The following NUP107 variants were observed in gnomAD, a reference collection of about 807,000 sequenced individuals.
NUP107 encodes the protein nuclear pore complex protein Nup107.
In NUP107, 101 loss-of-function variants were observed where a neutral mutation model predicts 141.0. The observed-to-expected ratio is 0.72, with a 90% confidence interval of 0.61 to 0.84. The LOEUF (loss-of-function observed/expected upper bound fraction) is 0.84. Among genes scored for constraint, NUP107 ranks in the 40% least tolerant of loss-of-function variants. The pLI, the probability that NUP107 is intolerant of heterozygous loss-of-function variation, is 0.00. For missense variants in NUP107, 941 were observed against 1,102.7 expected (o/e 0.85, Z 2.08); for synonymous variants, 319 against 363.9 (o/e 0.88, Z 1.41).
Position 68,722,770 on chromosome 12 carries a change from A to G in NUP107, c.1506+618A>G, listed in dbSNP as rs540820892. ...TTAATGATAATCTCCAAGTTAGTTT[A>G]TTCATTTTCACTTAACCTTATTCTT... is the stretch of plus-strand genomic sequence containing the variant. On this transcript the variant is annotated intron_variant, in intron 17 of 27. Transcript: ENST00000229179. Among the ~76,000 whole-genome samples, 6 of 152,212 alleles carry G rather than the reference A, an allele frequency of 3.9e-5. No homozygotes were observed. In the South Asian group the frequency reaches 6.2e-4, roughly 16 times the overall value.
chr12:68,688,942 G>C lies in NUP107; in HGVS notation c.9-20G>C. 1 of 1,569,290 alleles carries C rather than the reference G, an allele frequency of 6.4e-7. No homozygotes were observed. Among genetic ancestry groups the C allele is most frequent in the Non-Finnish European group, 8.7e-7 (1 of 1,145,392 alleles). The stretch of plus-strand genomic sequence containing the variant: ...CTATATTCTCGTTTCACTTATATAA[G>C]CTTGATTATACTACTTTAGGAGTGG... On this transcript the variant is annotated intron_variant, in intron 1 of 27. Coordinates refer to ENST00000229179, the MANE Select transcript of NUP107 (RefSeq NM_020401.4).
chr12:68,741,568 C>A (rs1191612455), intron 26 of NUP107, among the ~76,000 whole-genome samples: 1 of 152,074 alleles, frequency 6.6e-6, no homozygotes, highest in Admixed American at 6.6e-5. Flanking sequence ...TATTCAGTTT[C>A]CAACTCATTC....
chr12:68,721,046 C>G, intron 14 of NUP107, 72 bp from the exon 15 acceptor site: 1 of 1,018,514 alleles, frequency 9.8e-7, no homozygotes, highest in Non-Finnish European at 1.5e-6. Context: ...TTGCAAGACT[C>G]CACATTATGA....
chr12:68,734,808 A>G lies in NUP107; in HGVS notation c.2363A>G (p.His788Arg), dbSNP rs773117594. ...PQPTFTEKVAHEHKEKKYEMD... is the reference protein window; with the variant it reads ...PQPTFTEKVAREHKEKKYEMD... ...CCAACTTTTACTGAGAAAGTGGCTC[A>G]TGAACACAAAGAAAAGAAATATGAA... The change falls in exon 25 of 28, where the codon CAT becomes CGT. Residue 788 changes from histidine to arginine, a missense_variant. By Grantham distance (29) the His-to-Arg change is conservative. Coordinates refer to ENST00000229179, the MANE Select transcript of NUP107 (RefSeq NM_020401.4). 1.1e-5 allele frequency: 18 copies of G among 1,612,752 alleles called. No homozygotes were observed. Among genetic ancestry groups the G allele is most frequent in the Non-Finnish European group, 1.4e-5 (17 of 1,179,672 alleles).
intron 8 of NUP107, chr12:68,706,256 G>A: frequency 1.3e-6 from 1 of 776,188 alleles, no homozygotes; most frequent in South Asian, 1.4e-5. Context: ...CAAGAACAAG[G>A]TAGAGCTGGA....
chr12:68,717,043 A>G (rs576484701), intron 12 of NUP107, among the ~76,000 whole-genome samples: 3 of 152,104 alleles, frequency 2.0e-5, no homozygotes, highest in South Asian at 2.1e-4. Context: ...GAATACAGGC[A>G]CACGCCTCCA....
intron 17 of NUP107, among the ~76,000 whole-genome samples, chr12:68,723,759 C>A (rs1336177852): frequency 6.6e-6 from 1 of 152,158 alleles, no homozygotes; most frequent in Admixed American, 6.6e-5. Context: ...GAAATAGGAA[C>A]TTGCTGTTCT....
At chr12:68,706,382 AAC>A in intron 8 of NUP107, 1 of 1,307,320 alleles carries the variant, frequency 7.6e-7, no homozygotes, top group Non-Finnish European at 1.1e-6. Flanking sequence ...GTCCATTGAC[AAC>A]AGTCGCTCCC....
In NUP107 at chr12:68,727,659, A is replaced by C. The variant is rs191163493; in HGVS notation, c.1734+270A>C. On this transcript the variant is annotated intron_variant, in intron 20 of 27. Transcript: ENST00000229179. Reference sequence around the variant, plus strand: ...GCTGACCAGAAATCATACCAATAACATAAACACACAATTAACACATTTTGT... The same window carrying C: ...GCTGACCAGAAATCATACCAATAACCTAAACACACAATTAACACATTTTGT... Among the ~76,000 whole-genome samples the C allele has an allele frequency of 1.1e-3, 172 of 152,292 alleles. 2 individuals are homozygous for C. The highest frequency in any genetic ancestry group is 3.8e-3 in the African/African-American group (158 of 41,572).
At chr12:68,729,547 G>A (rs918128485) in intron 20 of NUP107, among the ~76,000 whole-genome samples, 44 of 151,692 alleles carry the variant, frequency 2.9e-4, no homozygotes, top group African/African-American at 9.9e-4. Context: ...GGGGTCAAGC[G>A]ATTCTCTGGC....
intron 8 of NUP107, among the ~76,000 whole-genome samples, chr12:68,703,736 A>C (rs1178815823): frequency 6.6e-6 from 1 of 152,182 alleles, no homozygotes; most frequent in Non-Finnish European, 1.5e-5. Context: ...GGTGTGAGCC[A>C]CTGTGCCCGG....
At chr12:68,687,260 G>C (rs1592486808) in intron 1 of NUP107, 187 bp downstream of exon 1, 2 of 843,638 alleles carry the variant, frequency 2.4e-6, no homozygotes, top group South Asian at 1.7e-5. Flanking sequence ...GCGTCGGGGT[G>C]GGGTACAGAT....
At chr12:68,721,643 G>GA (rs1466936503) in intron 15 of NUP107, among the ~76,000 whole-genome samples, 198 bp from the exon 16 acceptor site, 7 of 152,146 alleles carry the variant, frequency 4.6e-5, no homozygotes, top group African/African-American at 1.2e-4. Flanking sequence ...TTAACAGTAT[G>GA]AAAAAATCTG....
chr12:68,729,984 T>C (rs1246281150), intron 20 of NUP107, among the ~76,000 whole-genome samples: 1 of 151,414 alleles, frequency 6.6e-6, no homozygotes, highest in Non-Finnish European at 1.5e-5. Context: ...TATTTAGAGA[T>C]AGGATGTTGT....
rs11177340 is a variant in NUP107, at chr12:68,722,403, A to G, written c.1506+251A>G. ...ATTCCTTTTTTAAAATTTAAAACAC[A>G]TTATGGAAAATTATTAAGACTTTAT... On this transcript the variant is annotated intron_variant, in intron 17 of 27. Transcript: ENST00000229179. Among the ~76,000 whole-genome samples, 7,629 of 152,198 alleles carry G rather than the reference A, an allele frequency of 0.05. 639 individuals are homozygous for G. Among genetic ancestry groups the G allele is most frequent in the African/African-American group, 0.17 (7,216 of 41,506 alleles).
rs867700170 is a variant in NUP107, at chr12:68,742,611, A to G, written c.*149A>G. On this transcript the variant is annotated 3_prime_UTR_variant, in exon 28 of 28. Transcript: ENST00000229179. ...TCAGAATATTATCGTGACACTTTCA[A>G]CATGTAGGGATATCAGCGTTTCTCT... The G allele has an allele frequency of 4.5e-5, 19 of 419,456 alleles. No individual in the cohort carries two copies. The highest frequency in any genetic ancestry group is 1.0e-4 in the African/African-American group (5 of 48,260). 26.0% of individuals were successfully genotyped at this position (419,456 alleles called of 1,614,324 possible).
In NUP107 at chr12:68,705,953, A is replaced by T. The variant is rs1876558995; in HGVS notation, c.729+3169A>T. 7.7e-6 allele frequency: 7 copies of T among 906,888 alleles called. No individual in the cohort carries two copies. The Admixed American group carries it at 1.2e-4, about 15-fold the overall frequency. 56.2% of individuals were successfully genotyped at this position (906,888 alleles called of 1,614,324 possible). A position where few individuals can be genotyped will look rare whatever the true frequency, so the allele number is the denominator to read the frequency against. On this transcript the variant is annotated intron_variant, in intron 8 of 27. Coordinates refer to ENST00000229179, the MANE Select transcript of NUP107 (RefSeq NM_020401.4). ...AACAACAAGTTTGCCTCCTTCATTG[A>T]CAAGGTACAGTTCCTGCAGCAGCAG...
chr12:68,694,472 T>C (rs1045124099), intron 5 of NUP107, among the ~76,000 whole-genome samples: 2 of 152,100 alleles, frequency 1.3e-5, no homozygotes, highest in Non-Finnish European at 2.9e-5. Flanking sequence ...ATCAGCAAAG[T>C]GAAAAGGCAA....
intron 12 of NUP107, among the ~76,000 whole-genome samples, chr12:68,718,803 A>G (rs1373633707): frequency 6.6e-6 from 1 of 152,136 alleles, no homozygotes; most frequent in South Asian, 2.1e-4. Context: ...ATAAAGGCAG[A>G]GGCCACAGAA....
Sources: allele counts gnomAD v4.1 joint callset (sites outside exome capture counted in the v4.1 genomes callset), GRCh38; gene constraint gnomAD v4.1.1; transcripts MANE v1.5; gene names NCBI Gene and HGNC (gene_info 2026-07-23, HGNC 2026-07-21).